DEFB112: variants seen among roughly 807,000 people sequenced by gnomAD.
The protein encoded by DEFB112 is beta-defensin 112.
DEFB112 carries 2 observed loss-of-function variants against 1.1 expected under a neutral mutation model. The ratio of observed to expected loss-of-function variants is 1.85; its 90% CI spans 0.76 to 5.83. The LOEUF (loss-of-function observed/expected upper bound fraction) is 5.83. Ranked by LOEUF, DEFB112 falls within the 30% of genes most tolerant of loss-of-function variation. The probability of loss-of-function intolerance (pLI) is 0.05; values close to 1 mark genes in which losing one functional copy is unlikely to be tolerated. For missense variants in DEFB112, 120 were observed against 94.4 expected, an observed-to-expected ratio of 1.27 and a Z score of -1.12; for synonymous variants, 40 against 31.2, an observed-to-expected ratio of 1.28 and a Z score of -0.93.
rs565849600 is a variant in DEFB112, at chr6:50,048,393, CTTCAT to C, written c.58+1414_58+1418del. The C allele has an allele frequency of 2.3e-4, 167 of 726,206 alleles. No homozygotes were observed. In the East Asian group the frequency reaches 4.3e-3, roughly 19 times the overall value. 45.0% of individuals were successfully genotyped at this position (726,206 alleles called of 1,614,324 possible). ...TCTTGTTTTAAACATGAAATTCAGT[CTTCAT>C]AAAGCTATGAGGTGAAAGACAAGAA... On this transcript the variant is annotated intron_variant, in intron 1 of 1. Transcript: ENST00000651554.
chr6:50,043,482 T>C lies in DEFB112; in HGVS notation c.*93A>G, dbSNP rs1774778993. On this transcript the variant is annotated 3_prime_UTR_variant, in exon 2 of 2. Coordinates refer to ENST00000651554, the MANE Select transcript of DEFB112 (RefSeq NM_001369057.2). ...TATTTAATTATTTATTCATTATAGG[T>C]ATGCATGCATGGAAATTATAGGTCA... 1.2e-6 allele frequency: 1 copy of C among 805,316 alleles called. No homozygotes were observed. Among genetic ancestry groups the C allele is most frequent in the Admixed American group, 2.2e-5 (1 of 46,246 alleles). The allele number at this position is 805,316 out of a possible 1,614,324, so 49.9% of individuals were successfully genotyped here. A position where few individuals can be genotyped will look rare whatever the true frequency, so the allele number is the denominator to read the frequency against.
intron 1 of DEFB112, among the ~76,000 whole-genome samples, chr6:50,046,173 C>T (rs1774829396): frequency 6.6e-6 from 1 of 150,920 alleles, no homozygotes; most frequent in South Asian, 2.1e-4. Flanking sequence ...ATATTTTCAA[C>T]TCAAAATGTC....
At position 50,042,468 on chromosome 6, in the gene DEFB112, T is replaced by G. The variant is rs1033360131; in HGVS notation, c.*1107A>C. On this transcript the variant is annotated 3_prime_UTR_variant, in exon 2 of 2. Transcript: ENST00000651554. ...ACTTAAATACCTTGTTACCACATAA[T>G]TTTAAGTGACTAGCTCCCTTTTCTT... Among the ~76,000 whole-genome samples, 11 of 152,186 alleles carry G rather than the reference T, an allele frequency of 7.2e-5. No homozygotes were observed. In the South Asian group the frequency reaches 2.1e-3, roughly 29 times the overall value.
At position 50,043,331 on chromosome 6, in the gene DEFB112, C is replaced by T. The variant is rs77183150; in HGVS notation, c.*244G>A. On this transcript the variant is annotated 3_prime_UTR_variant, in exon 2 of 2. Coordinates refer to ENST00000651554, the MANE Select transcript of DEFB112 (RefSeq NM_001369057.2). ...GGCCCCAGAATCTCACTAAACTTAG[C>T]GGTCCCATCATGGATTTTCTTCTCC... Among the ~76,000 whole-genome samples, 4,307 of 152,072 alleles carry T rather than the reference C, an allele frequency of 0.028. 83 individuals are homozygous for T. The highest frequency in any genetic ancestry group is 0.044 in the Non-Finnish European group (3,011 of 67,926).
chr6:50,046,076 G>A (rs868480803), intron 1 of DEFB112, among the ~76,000 whole-genome samples: 2 of 152,050 alleles, frequency 1.3e-5, no homozygotes, highest in African/African-American at 4.8e-5. Context: ...GTAGGCTAAT[G>A]TAAGTATTCT....
At chr6:50,048,393 C>A (rs1190416767) in intron 1 of DEFB112, 1 of 726,206 alleles carries the variant, frequency 1.4e-6, no homozygotes, top group East Asian at 2.8e-5. Context: ...GAAATTCAGT[C>A]TTCATAAAGC....
Position 50,043,675 on chromosome 6 carries a change from T to G in DEFB112, c.185A>C (p.His62Pro). Reference sequence around the variant, plus strand: ...AGGGTCACATTCTGTCACGCAGCAATGAGTTGTAGGTCTTGCACAGTATGA... The same window carrying G: ...AGGGTCACATTCTGTCACGCAGCAAGGAGTTGTAGGTCTTGCACAGTATGA... ...RISYCARPTTHCCVTECDPTD... is the reference protein window; with the variant it reads ...RISYCARPTTPCCVTECDPTD... The change falls in exon 2 of 2, where the codon CAT (histidine) becomes CCT (proline). Residue 62 changes from histidine (H) to proline (P), a missense_variant. His to Pro is a moderately conservative substitution (Grantham distance 77). Transcript: ENST00000651554. The G allele has an allele frequency of 6.2e-7, 1 of 1,613,620 alleles. No homozygotes were observed. The highest frequency in any genetic ancestry group is 8.5e-7 in the Non-Finnish European group (1 of 1,179,612).
At chr6:50,044,016 T>C (rs1341779591) in intron 1 of DEFB112, among the ~76,000 whole-genome samples, 1 of 152,100 alleles carries the variant, frequency 6.6e-6, no homozygotes, top group East Asian at 1.9e-4. Flanking sequence ...TTTAAATAAT[T>C]CTGTAGTGAC....
intron 1 of DEFB112, among the ~76,000 whole-genome samples, chr6:50,046,044 T>C (rs576001349): frequency 9.9e-5 from 15 of 152,238 alleles, no homozygotes; most frequent in African/African-American, 3.4e-4. Flanking sequence ...ACACTCTTTA[T>C]GTTAGATGAT....
intron 1 of DEFB112, among the ~76,000 whole-genome samples, chr6:50,044,498 G>A (rs1295718072): frequency 6.6e-6 from 1 of 151,910 alleles, no homozygotes; most frequent in African/African-American, 2.4e-5. Flanking sequence ...TCACTTTACA[G>A]CATAATTTCT....
At position 50,043,712 on chromosome 6, in the gene DEFB112, C is replaced by T; in HGVS notation, c.148G>A (p.Glu50Lys). ...GRCKNQCDDS[E>K]FRISYCARPT... is the part of the protein sequence containing the mutation. ...CTTGCACAGTATGAAATCCTAAATT[C>T]ACTATCATCACATTGATTTTTACAT... Residue 50 changes from glutamate (E) to lysine (K), a missense_variant, in exon 2 of 2, where the codon GAA becomes AAA. Physicochemically the swap from Glu to Lys is moderately conservative, Grantham distance 56 (BLOSUM62 1). Coordinates refer to ENST00000651554, the MANE Select transcript of DEFB112 (RefSeq NM_001369057.2). 1 of 1,613,526 alleles carries T rather than the reference C, an allele frequency of 6.2e-7. No individual in the cohort carries two copies. Among genetic ancestry groups the T allele is most frequent in the Non-Finnish European group, 8.5e-7 (1 of 1,179,604 alleles).
intron 1 of DEFB112, among the ~76,000 whole-genome samples, chr6:50,049,091 C>T (rs912100285): frequency 6.6e-6 from 1 of 151,982 alleles, no homozygotes; most frequent in African/African-American, 2.4e-5. Flanking sequence ...AATTAACTCC[C>T]TTGTTGGTTT....
At chr6:50,044,088 T>G (rs1022229350) in intron 1 of DEFB112, among the ~76,000 whole-genome samples, 2 of 152,080 alleles carry the variant, frequency 1.3e-5, no homozygotes, top group Non-Finnish European at 2.9e-5. Context: ...TCTTGTACAT[T>G]GACTAGAACC....
intron 1 of DEFB112, 109 bp from the exon 2 acceptor site, chr6:50,043,910 G>T: frequency 1.1e-6 from 1 of 927,156 alleles, no homozygotes; most frequent in South Asian, 1.6e-5. Flanking sequence ...TAAAGGAAAT[G>T]GATATTTGCT....
At position 50,043,180 on chromosome 6, in the gene DEFB112, G is replaced by T. The variant is rs642141; in HGVS notation, c.*395C>A. ...CATAATCCTTCAAATTTCTTGCAAC[G>T]ATTTTTACTAGTTCAGGGGTCACAT... On this transcript the variant is annotated 3_prime_UTR_variant, in exon 2 of 2. Coordinates refer to ENST00000651554, the MANE Select transcript of DEFB112 (RefSeq NM_001369057.2). 0.033 allele frequency among the ~76,000 whole-genome samples: 4,976 copies of T among 152,038 alleles called. 276 individuals carry two copies. The highest frequency in any genetic ancestry group is 0.11 in the African/African-American group (4,666 of 41,480).
In DEFB112 at chr6:50,046,854, TG is replaced by T. The variant is rs1217985807; in HGVS notation, c.58+2957del. Among the ~76,000 whole-genome samples, 3 of 152,112 alleles carry T rather than the reference TG, an allele frequency of 2.0e-5. No homozygotes were observed. The East Asian group carries it at 5.8e-4, about 29-fold the overall frequency. ...AAGAGGGAAGAACCTTTAAAGGCTA[TG>T]GGTCCTAAAACATAGGTTTGGAATA... is the stretch of plus-strand genomic sequence containing the variant. On this transcript the variant is annotated intron_variant, in intron 1 of 1. Coordinates refer to ENST00000651554, the MANE Select transcript of DEFB112 (RefSeq NM_001369057.2).
chr6:50,049,122 C>T (rs1562000612), intron 1 of DEFB112, among the ~76,000 whole-genome samples: 1 of 152,148 alleles, frequency 6.6e-6, no homozygotes, highest in East Asian at 1.9e-4. Context: ...CTGAAGTTCA[C>T]CTCCTTGTCC....
intron 1 of DEFB112, among the ~76,000 whole-genome samples, chr6:50,045,904 C>T (rs892736842): frequency 2.0e-5 from 3 of 152,048 alleles, no homozygotes; most frequent in African/African-American, 7.2e-5. Flanking sequence ...ATTTTTCATC[C>T]TCAGAATGGT....
intron 1 of DEFB112, among the ~76,000 whole-genome samples, chr6:50,045,017 A>G (rs1023855079): frequency 1.3e-5 from 2 of 152,174 alleles, no homozygotes; most frequent in Admixed American, 6.6e-5. Flanking sequence ...ATTCCTTTTA[A>G]CATACTCTGG....
Sources: allele counts gnomAD v4.1 joint callset (sites outside exome capture counted in the v4.1 genomes callset), GRCh38; gene constraint gnomAD v4.1.1; transcripts MANE v1.5; gene names NCBI Gene and HGNC (gene_info 2026-07-23, HGNC 2026-07-21).